The following EIF4ENIF1 variants were observed in gnomAD, a reference collection of about 807,000 sequenced individuals.
EIF4ENIF1 encodes the protein eukaryotic translation initiation factor 4E nuclear import factor 1, also known as eukaryotic translation initiation factor 4E transporter.
EIF4ENIF1 carries 23 observed loss-of-function variants against 110.5 expected under a neutral mutation model. The ratio of observed to expected loss-of-function variants is 0.21; its 90% CI spans 0.15 to 0.29. EIF4ENIF1 has a LOEUF of 0.29. EIF4ENIF1 is among the 10% of genes least tolerant of loss of function. The probability of loss-of-function intolerance (pLI) is 1.00; values close to 1 mark genes in which losing one functional copy is unlikely to be tolerated. For missense variants in EIF4ENIF1, 1,031 were observed against 1,221.1 expected (o/e 0.84, Z 2.32); for synonymous variants, 440 against 437.0 (o/e 1.01, Z -0.09).
rs776963777 is a variant in EIF4ENIF1, at chr22:31,455,246, TC to T, written c.1168del (p.Asp390ThrfsTer10). 1 of 1,614,084 alleles carries T rather than the reference TC, an allele frequency of 6.2e-7. No homozygotes were observed. Among genetic ancestry groups the T allele is most frequent in the Non-Finnish European group, 8.5e-7 (1 of 1,179,984 alleles). ...GNYFAPIPLE[D>X]HAENKVDILE... ...AATATCCACTTTATTTTCAGCATGG[TC>T]TTCCAATGGTATAGGAGCAAAGTAA... On this transcript the variant is annotated frameshift_variant, in exon 9 of 19. Transcript: ENST00000330125. LOFTEE classifies it high-confidence loss of function.
chr22:31,469,045 C>T (rs2051281049), intron 3 of EIF4ENIF1, among the ~76,000 whole-genome samples: 1 of 152,180 alleles, frequency 6.6e-6, no homozygotes, highest in African/African-American at 2.4e-5. Context: ...TTTCTATGCA[C>T]AGTCTTAGTT....
chr22:31,451,820 G>A (rs972213011), intron 10 of EIF4ENIF1, among the ~76,000 whole-genome samples: 3 of 152,006 alleles, frequency 2.0e-5, no homozygotes, highest in Admixed American at 2.0e-4. Context: ...ATCCAACCTG[G>A]AGTCCCCTCC....
chr22:31,464,655 A>T (rs5753629), intron 4 of EIF4ENIF1, among the ~76,000 whole-genome samples: 1 of 112,546 alleles, frequency 8.9e-6, no homozygotes. Flanking sequence ...TAGCCTGGGC[A>T]AAAGACTAAG....
At chr22:31,461,150 T>C (rs989425819) in intron 6 of EIF4ENIF1, among the ~76,000 whole-genome samples, 1 of 152,154 alleles carries the variant, frequency 6.6e-6, no homozygotes, top group Non-Finnish European at 1.5e-5. Context: ...TTCTTCCCTT[T>C]ACAAAGAAAC....
At chr22:31,483,375 A>AT (rs980371494) in intron 2 of EIF4ENIF1, among the ~76,000 whole-genome samples, 7 of 151,486 alleles carry the variant, frequency 4.6e-5, no homozygotes, top group African/African-American at 1.2e-4. Context: ...TAATTTTTAA[A>AT]TTTTTTTTGT....
chr22:31,488,663 T>C lies in EIF4ENIF1; in HGVS notation c.56A>G (p.Lys19Arg). Residue 19 changes from lysine (K) to arginine (R), a missense_variant, in exon 2 of 19, where the codon AAG becomes AGG. Physicochemically the swap from Lys to Arg is conservative, Grantham distance 26. Coordinates refer to ENST00000330125, the MANE Select transcript of EIF4ENIF1 (RefSeq NM_019843.4). ...TESGDAFLDL[K>R]KPPASKCPHR... ...GGGGCATTTGGAGGCAGGAGGCTTCTTCAGGTCAAGGAAAGCATCTCCACT... is the reference window on the plus strand; with the variant it reads ...GGGGCATTTGGAGGCAGGAGGCTTCCTCAGGTCAAGGAAAGCATCTCCACT... 6.2e-7 allele frequency: 1 copy of C among 1,614,146 alleles called. No homozygotes were observed. Among genetic ancestry groups the C allele is most frequent in the South Asian group, 1.1e-5 (1 of 91,090 alleles).
In EIF4ENIF1 at chr22:31,442,135, A is replaced by G; in HGVS notation, c.2207-17T>C. 1 of 1,580,488 alleles carries G rather than the reference A, an allele frequency of 6.3e-7. No homozygotes were observed. The highest frequency in any genetic ancestry group is 8.6e-7 in the Non-Finnish European group (1 of 1,160,300). On this transcript the variant is annotated splice_polypyrimidine_tract_variant and intron_variant, in intron 16 of 18. Coordinates refer to ENST00000330125, the MANE Select transcript of EIF4ENIF1 (RefSeq NM_019843.4). ...GGAGGTTTTCTGTGAGGAACCAAACAAAAAATATTTTGGCAAACCTCTCCC... is the reference window on the plus strand; with the variant it reads ...GGAGGTTTTCTGTGAGGAACCAAACGAAAAATATTTTGGCAAACCTCTCCC...
chr22:31,474,652 G>C (rs1299736260), intron 2 of EIF4ENIF1, among the ~76,000 whole-genome samples: 1 of 151,992 alleles, frequency 6.6e-6, no homozygotes, highest in South Asian at 2.1e-4. Context: ...TTTGCTTGAA[G>C]GCCCTTTCAG....
At chr22:31,486,566 T>C (rs1429598252) in intron 2 of EIF4ENIF1, among the ~76,000 whole-genome samples, 2 of 141,266 alleles carry the variant, frequency 1.4e-5, no homozygotes, top group African/African-American at 2.7e-5. Flanking sequence ...ATCACTTGAG[T>C]TCAGGATTTC....
At chr22:31,445,048 A>C (rs2050419238) in intron 14 of EIF4ENIF1, among the ~76,000 whole-genome samples, 1 of 152,254 alleles carries the variant, frequency 6.6e-6, no homozygotes, top group Admixed American at 6.5e-5. Context: ...AAGAAGCTGC[A>C]TTCCATTGGG....
At chr22:31,471,460 G>A (rs180745106) in intron 3 of EIF4ENIF1, among the ~76,000 whole-genome samples, 1,654 of 152,108 alleles carry the variant, frequency 0.011, 9 homozygotes, top group Middle Eastern at 0.031. Context: ...GACTACAGGC[G>A]CACGCCACCA....
Position 31,458,736 on chromosome 22 carries a change from G to A in EIF4ENIF1, c.788-86C>T, listed in dbSNP as rs1021571131. 6 of 1,256,324 alleles carry A rather than the reference G, an allele frequency of 4.8e-6. No individual in the cohort carries two copies. In the African/African-American group the frequency reaches 7.5e-5, roughly 16 times the overall value. 77.8% of individuals were successfully genotyped at this position (1,256,324 alleles called of 1,614,324 possible). A position where few individuals can be genotyped will look rare whatever the true frequency, so the allele number is the denominator to read the frequency against. On this transcript the variant is annotated intron_variant, in intron 6 of 18. Transcript: ENST00000330125. ...GGCTTCAGCCATCAGTATACATGTAGAAGAGCCACACATGACTTAAAAAGC... is the reference window on the plus strand; with the variant it reads ...GGCTTCAGCCATCAGTATACATGTAAAAGAGCCACACATGACTTAAAAAGC...
intron 2 of EIF4ENIF1, among the ~76,000 whole-genome samples, chr22:31,480,998 G>A (rs1258728837): frequency 1.3e-5 from 2 of 152,198 alleles, no homozygotes; most frequent in Admixed American, 1.3e-4. Flanking sequence ...GGGAGGTGGA[G>A]GTTGCAGTGA....
chr22:31,487,197 G>T (rs191112471), intron 2 of EIF4ENIF1, among the ~76,000 whole-genome samples: 2 of 152,126 alleles, frequency 1.3e-5, no homozygotes, highest in East Asian at 3.9e-4. Flanking sequence ...ACACTCTCAG[G>T]TTTGAGAGAA....
Position 31,447,483 on chromosome 22 carries a change from T to C in EIF4ENIF1, c.1931A>G (p.Tyr644Cys). The C allele has an allele frequency of 6.2e-7, 1 of 1,613,294 alleles. No individual in the cohort carries two copies. Among genetic ancestry groups the C allele is most frequent in the Non-Finnish European group, 8.5e-7 (1 of 1,179,778 alleles). Residue 644 changes from tyrosine to cysteine, a missense_variant, in exon 14 of 19, where the codon TAC becomes TGC. Tyr to Cys is a radical substitution (Grantham distance 194, BLOSUM62 -2). This residue lies in a region of EIF4ENIF1 where 704 missense variants were observed against 879.7 expected (regional missense o/e 0.80). Coordinates refer to ENST00000330125, the MANE Select transcript of EIF4ENIF1 (RefSeq NM_019843.4). Reference protein sequence around the residue: ...HDLAVQAANFYQPGFGKPQVD... With the variant: ...HDLAVQAANFCQPGFGKPQVD... ...CTGTGGTTTGCCAAAACCAGGCTGG[T>C]AGAAGTTTGCTGCCTGTACAGCAAG...
At chr22:31,444,189 T>C (rs891629415) in intron 15 of EIF4ENIF1, among the ~76,000 whole-genome samples, 4 of 152,180 alleles carry the variant, frequency 2.6e-5, no homozygotes, top group African/African-American at 4.8e-5. Flanking sequence ...TTAGTTTATA[T>C]CACTGAGACC....
At position 31,455,331 on chromosome 22, in the gene EIF4ENIF1, A is replaced by C; in HGVS notation, c.1100-16T>G. The C allele has an allele frequency of 6.6e-7, 1 of 1,516,764 alleles. No homozygotes were observed. The highest frequency in any genetic ancestry group is 8.8e-7 in the Non-Finnish European group (1 of 1,131,938). 94.0% of individuals were successfully genotyped at this position (1,516,764 alleles called of 1,614,324 possible). ...TGCTCCAGACCTGATATTGCAAATA[A>C]ACATACTCAAAATTAATCTGTTCCA... is the stretch of plus-strand genomic sequence containing the variant. On this transcript the variant is annotated splice_polypyrimidine_tract_variant and intron_variant, in intron 8 of 18. Transcript: ENST00000330125.
chr22:31,440,519 G>T (rs528501088), intron 18 of EIF4ENIF1, among the ~76,000 whole-genome samples, 185 bp downstream of exon 18: 5 of 152,218 alleles, frequency 3.3e-5, no homozygotes, highest in Admixed American at 2.6e-4. Flanking sequence ...GACTTTGCAG[G>T]AACAGTAATC....
chr22:31,439,895 C>T lies in EIF4ENIF1; in HGVS notation c.2943G>A (p.Leu981=), dbSNP rs2145881769. 3 of 1,613,638 alleles carry T rather than the reference C, an allele frequency of 1.9e-6. No individual in the cohort carries two copies. The South Asian group carries it at 3.3e-5, about 18-fold the overall frequency. The change falls in exon 19 of 19, where the codon TTG becomes TTA. Residue 981 remains leucine, a synonymous_variant. Coordinates refer to ENST00000330125, the MANE Select transcript of EIF4ENIF1 (RefSeq NM_019843.4). ...MPAKVISVDE[L]EYRQ ...CCTGCCCTGCTCACTGTCGGTATTC[C>T]AATTCATCTACACTGATAACTTTGG...
Sources: allele counts gnomAD v4.1 joint callset (sites outside exome capture counted in the v4.1 genomes callset), GRCh38; gene constraint gnomAD v4.1.1; regional missense constraint gnomAD v4.1.1; transcripts MANE v1.5; gene names NCBI Gene and HGNC (gene_info 2026-07-23, HGNC 2026-07-21).